ZNF397: variants seen among roughly 807,000 people sequenced by gnomAD.
The protein encoded by ZNF397 is zinc finger and SCAN domain-containing protein 15.
ZNF397 carries 38 observed loss-of-function variants against 50.6 expected under a neutral mutation model. The ratio of observed to expected loss-of-function variants is 0.75; its 90% CI spans 0.58 to 0.98. ZNF397 has a LOEUF of 0.98. Ranked by LOEUF, ZNF397 falls within the 50% of genes least tolerant of loss-of-function variation. The probability of loss-of-function intolerance (pLI) is 0.00; values close to 1 mark genes in which losing one functional copy is unlikely to be tolerated. For synonymous variants in ZNF397, 228 were observed against 215.2 expected (o/e 1.06, Z -0.52); for missense variants, 624 against 624.1 (o/e 1.00, Z 0.00).
At chr18:35,250,855 C>G (rs1401649999), downstream of ZNF397, among the ~76,000 whole-genome samples, 2 of 152,194 alleles carry the variant, frequency 1.3e-5, no homozygotes, top group Non-Finnish European at 2.9e-5. Flanking sequence ...CCAACAACAA[C>G]TAAATCTCAG....
In ZNF397 at chr18:35,249,083, C is replaced by T. The variant is rs1368557418; in HGVS notation, c.*2773C>T. 6.6e-6 allele frequency: 1 copy of T among 152,032 alleles called. No individual in the cohort carries two copies. Among genetic ancestry groups the T allele is most frequent in the African/African-American group, 2.4e-5 (1 of 41,380 alleles). 9.4% of individuals were successfully genotyped at this position (152,032 alleles called of 1,614,324 possible). ...AAATGCTACTTAAGTAGGGAAATCA[C>T]AAAATAAGTGCCAATGAACAATAAA... On this transcript the variant is annotated 3_prime_UTR_variant, in exon 4 of 4. Transcript: ENST00000330501.
downstream of ZNF397, chr18:35,250,994 C>T (rs776517124): frequency 2.0e-5 from 3 of 152,178 alleles, no homozygotes; most frequent in African/African-American, 7.2e-5. Flanking sequence ...TCTTCCCCAT[C>T]GTCCTAGCAT....
In ZNF397 at chr18:35,248,270, C is replaced by G. The variant is rs1242694883; in HGVS notation, c.*1960C>G. 1 of 152,160 alleles carries G rather than the reference C, an allele frequency of 6.6e-6. No homozygotes were observed. The highest frequency in any genetic ancestry group is 2.1e-4 in the South Asian group (1 of 4,832). The allele number at this position is 152,160 out of a possible 1,614,324, so 9.4% of individuals were successfully genotyped here. Reference sequence around the variant, plus strand: ...TAAAAAGAAGCAAAGAGAAGTAATGCTCTTATTGGGGCGTGCATCAGTGGA... The same window carrying G: ...TAAAAAGAAGCAAAGAGAAGTAATGGTCTTATTGGGGCGTGCATCAGTGGA... On this transcript the variant is annotated 3_prime_UTR_variant, in exon 4 of 4. Transcript: ENST00000330501.
chr18:35,242,849 G>C lies in ZNF397; in HGVS notation c.379G>C (p.Asp127His). 1.2e-6 allele frequency: 2 copies of C among 1,612,746 alleles called. No homozygotes were observed. The highest frequency in any genetic ancestry group is 1.7e-6 in the Non-Finnish European group (2 of 1,179,190). ...SGEEAVTLLE[D>H]LEREFDDPGQ... ...CGAGGAAGCTGTGACCCTGTTGGAG[G>C]ATTTAGAGAGGGAGTTTGATGACCC... Residue 127 changes from aspartate (D) to histidine (H), a missense_variant, in exon 2 of 4, where the codon GAT becomes CAT. Transcript: ENST00000330501.
In ZNF397 at chr18:35,245,667, C is replaced by T. The variant is rs1160443662; in HGVS notation, c.962C>T (p.Ala321Val). The change falls in exon 4 of 4, where the codon GCC (alanine) becomes GTC (valine). Residue 321 changes from alanine (A) to valine (V), a missense_variant. By Grantham distance (64) the Ala-to-Val change is moderately conservative. Transcript: ENST00000330501. ...KPYKCNQCGK[A>V]FSLRSYLIIH... ...TATAAATGTAACCAGTGTGGGAAGGCCTTTAGTTTGAGGTCCTATCTTATT... is the reference window on the plus strand; with the variant it reads ...TATAAATGTAACCAGTGTGGGAAGGTCTTTAGTTTGAGGTCCTATCTTATT... 3.9e-6 allele frequency: 6 copies of T among 1,553,122 alleles called. No homozygotes were observed. Among genetic ancestry groups the T allele is most frequent in the Non-Finnish European group, 5.2e-6 (6 of 1,147,880 alleles).
chr18:35,250,759 A>G (rs2043565901), downstream of ZNF397, among the ~76,000 whole-genome samples: 1 of 152,170 alleles, frequency 6.6e-6, no homozygotes, highest in Non-Finnish European at 1.5e-5. Context: ...CACCTCCACT[A>G]AAGGGAAGAG....
downstream of ZNF397, chr18:35,251,819 C>T (rs2043607849): frequency 6.6e-6 from 1 of 151,816 alleles, no homozygotes; most frequent in Non-Finnish European, 1.5e-5. Context: ...TAATAAATTA[C>T]CCAGTATCAG....
Position 35,245,313 on chromosome 18 carries a change from C to G in ZNF397, c.608C>G (p.Ser203Ter). 6.2e-7 allele frequency: 1 copy of G among 1,612,398 alleles called. No individual in the cohort carries two copies. The highest frequency in any genetic ancestry group is 8.5e-7 in the Non-Finnish European group (1 of 1,178,936). ...AAAGAGGGCATCTCAGAAGAAAAAT[C>G]ACAGGGACTCCCTCAGGAACCTTCA... ...ATKEGISEEK[S>*]QGLPQEPSFR... is the part of the protein sequence containing the mutation. The change falls in exon 4 of 4, where the codon TCA becomes TGA. Residue 203 changes from serine (S) to a stop codon, truncating the protein, a stop_gained. Coordinates refer to ENST00000330501, the MANE Select transcript of ZNF397 (RefSeq NM_001135178.3). LOFTEE classifies it high-confidence loss of function.
At position 35,246,032 on chromosome 18, in the gene ZNF397, C is replaced by T. The variant is rs1437973284; in HGVS notation, c.1327C>T (p.His443Tyr). 1.3e-6 allele frequency: 2 copies of T among 1,567,458 alleles called. No individual in the cohort carries two copies. Among genetic ancestry groups the T allele is most frequent in the East Asian group, 2.4e-5 (1 of 41,996 alleles). ...AFRQSSELIT[H>Y]QRIHSGEKPY... is the part of the protein sequence containing the mutation. ...CAGGCAGAGCTCAGAGCTGATTACT[C>T]ATCAGAGAATACATAGTGGAGAGAA... Residue 443 changes from histidine to tyrosine, a missense_variant, in exon 4 of 4, where the codon CAT (histidine) becomes TAT (tyrosine). Transcript: ENST00000330501.
chr18:35,253,397 C>A (rs770784833), downstream of ZNF397: 13 of 1,465,236 alleles, frequency 8.9e-6, no homozygotes, highest in African/African-American at 1.4e-5. Context: ...TGGAGTCTCA[C>A]CCCTACAGTG....
In ZNF397 at chr18:35,246,968, T is replaced by G; in HGVS notation, c.*658T>G. ...CAGACAGGCAGTGAAAGTGGAATGC[T>G]CCTATGTGACCTTAAGGAGCACCTG... On this transcript the variant is annotated 3_prime_UTR_variant, in exon 4 of 4. Transcript: ENST00000330501. 6 of 849,158 alleles carry G rather than the reference T, an allele frequency of 7.1e-6. No individual in the cohort carries two copies. The highest frequency in any genetic ancestry group is 8.5e-6 in the Non-Finnish European group (6 of 705,720). 52.6% of individuals were successfully genotyped at this position (849,158 alleles called of 1,614,324 possible).
chr18:35,254,335 A>G (rs755680236), downstream of ZNF397: 7 of 1,613,924 alleles, frequency 4.3e-6, no homozygotes, highest in Non-Finnish European at 5.9e-6. Context: ...CACATTCAAC[A>G]ATTTCTTGCT....
Position 35,246,082 on chromosome 18 carries a change from A to G in ZNF397, c.1377A>G (p.Gly459=). 1 of 1,557,110 alleles carries G rather than the reference A, an allele frequency of 6.4e-7. No homozygotes were observed. Among genetic ancestry groups the G allele is most frequent in the African/African-American group, 1.4e-5 (1 of 73,278 alleles). ...AACCCTATGAATGTAGTGAATGTGGAAAAGCTTTCAGTTTGAGCTCAAACC... is the reference window on the plus strand; with the variant it reads ...AACCCTATGAATGTAGTGAATGTGGGAAAGCTTTCAGTTTGAGCTCAAACC... ...GEKPYECSEC[G]KAFSLSSNLI... The change falls in exon 4 of 4, where the codon GGA becomes GGG. Residue 459 remains glycine (G), a synonymous_variant. Coordinates refer to ENST00000330501, the MANE Select transcript of ZNF397 (RefSeq NM_001135178.3).
rs1166459502 is a variant in ZNF397, at chr18:35,246,012, A to G, written c.1307A>G (p.Gln436Arg). 1.3e-6 allele frequency: 2 copies of G among 1,572,264 alleles called. No homozygotes were observed. Among genetic ancestry groups the G allele is most frequent in the Non-Finnish European group, 1.7e-6 (2 of 1,158,654 alleles). The change falls in exon 4 of 4, where the codon CAG becomes CGG. Residue 436 changes from glutamine to arginine, a missense_variant. Gln to Arg is a conservative substitution (Grantham distance 43). Coordinates refer to ENST00000330501, the MANE Select transcript of ZNF397 (RefSeq NM_001135178.3). ...AATGAATGTGGAAAAGCTTTCAGGC[A>G]GAGCTCAGAGCTGATTACTCATCAG... is the stretch of plus-strand genomic sequence containing the variant. ...ECNECGKAFRQSSELITHQRI... is the reference protein window; with the variant it reads ...ECNECGKAFRRSSELITHQRI...
At chr18:35,254,637 G>A (rs2043730066), downstream of ZNF397, 1 of 579,218 alleles carries the variant, frequency 1.7e-6, no homozygotes, top group South Asian at 2.2e-5. Context: ...TTAGTTAGAG[G>A]GAATGGTGAC....
Position 35,245,398 on chromosome 18 carries a change from G to A in ZNF397, c.693G>A (p.Gly231=). The A allele has an allele frequency of 6.3e-7, 1 of 1,594,020 alleles. No homozygotes were observed. Among genetic ancestry groups the A allele is most frequent in the Non-Finnish European group, 8.5e-7 (1 of 1,169,724 alleles). The change falls in exon 4 of 4, where the codon GGG becomes GGA. Residue 231 remains glycine, a synonymous_variant. Coordinates refer to ENST00000330501, the MANE Select transcript of ZNF397 (RefSeq NM_001135178.3). ...TGTGGAAGCAAGGAAGTGCTACAGG[G>A]GAGAAACTAAGATCTCCTTCCCAAG... is the stretch of plus-strand genomic sequence containing the variant. The part of the protein sequence containing the change: ...NLVWKQGSAT[G]EKLRSPSQGG...
At chr18:35,258,593 T>G (rs1455476960), downstream of ZNF397, 1 of 152,496 alleles carries the variant, frequency 6.6e-6, no homozygotes, top group Non-Finnish European at 1.5e-5. Context: ...GTCAGGAGGC[T>G]GGGCACGGTG....
chr18:35,250,451 G>GA (rs1569050037), downstream of ZNF397, among the ~76,000 whole-genome samples: 1 of 152,180 alleles, frequency 6.6e-6, no homozygotes, highest in African/African-American at 2.4e-5. Flanking sequence ...TCTTGGTATA[G>GA]AAGCAGTCCA....
intron 5 of ZNF397, chr18:35,257,442 T>C (rs1017720265): frequency 8.2e-5 from 13 of 158,336 alleles, no homozygotes; most frequent in East Asian, 3.8e-4. Flanking sequence ...GGTGACTAGG[T>C]CATGAGGGCT....
Sources: gnomAD v4.1 joint callset for allele counts (sites outside exome capture counted in the v4.1 genomes callset) on GRCh38, gnomAD v4.1.1 for gene constraint, MANE v1.5 for transcripts, NCBI Gene and HGNC (gene_info 2026-07-23, HGNC 2026-07-21) for gene names.